CFAP54: variants seen among roughly 807,000 people sequenced by gnomAD.
CFAP54 encodes the protein cilia- and flagella-associated protein 54.
CFAP54 carries 290 observed loss-of-function variants against 370.4 expected under a neutral mutation model. The observed-to-expected ratio is 0.78, with a 90% confidence interval of 0.71 to 0.86. The LOEUF (loss-of-function observed/expected upper bound fraction) is 0.86. Ranked by LOEUF, CFAP54 falls within the 40% of genes least tolerant of loss-of-function variation. CFAP54 has a pLI of 0.00. For missense variants in CFAP54, 3,399 were observed against 3,528.7 expected, an observed-to-expected ratio of 0.96 and a Z score of 0.93; for synonymous variants, 1,206 against 1,236.5, an observed-to-expected ratio of 0.98 and a Z score of 0.52.
chr12:96,817,939 A>G, intron 65 of CFAP54, 26 bp downstream of exon 65: 4 of 1,412,292 alleles, frequency 2.8e-6, no homozygotes, highest in Non-Finnish European at 3.7e-6. Flanking sequence ...ATGGAAAATG[A>G]CATTGCTATA....
At chr12:96,864,133 C>T (rs942444275) in intron 67 of CFAP54, among the ~76,000 whole-genome samples, 2 of 152,136 alleles carry the variant, frequency 1.3e-5, no homozygotes, top group Non-Finnish European at 2.9e-5. Context: ...CCAAATTACA[C>T]AATTTGCAGC....
Position 96,743,491 on chromosome 12 carries a change from T to C in CFAP54, c.7309T>C (p.Leu2437=). ...GGACACGGAACTGCAGGCTGAATTC[T>C]TGACGCAAGCTGTAATTCTTGGCCT... ...AGDTELQAEF[L]TQAVILGLQE... Residue 2437 remains leucine (L), a synonymous_variant, in exon 53 of 68, where the codon TTG becomes CTG. Coordinates refer to ENST00000524981, the MANE Select transcript of CFAP54 (RefSeq NM_001306084.2). 6.2e-7 allele frequency: 1 copy of C among 1,614,130 alleles called. No homozygotes were observed. Among genetic ancestry groups the C allele is most frequent in the Non-Finnish European group, 8.5e-7 (1 of 1,179,990 alleles).
intron 67 of CFAP54, among the ~76,000 whole-genome samples, chr12:96,864,319 G>T (rs970529878): frequency 2.6e-5 from 4 of 152,186 alleles, no homozygotes; most frequent in African/African-American, 9.7e-5. Flanking sequence ...CATGCCAGCA[G>T]CTAAGTGATA....
At position 96,647,864 on chromosome 12, in the gene CFAP54, C is replaced by T. The variant is rs1361433007; in HGVS notation, c.4548-11C>T. 2.1e-5 allele frequency: 31 copies of T among 1,482,488 alleles called. No individual in the cohort carries two copies. The highest frequency in any genetic ancestry group is 2.6e-5 in the Admixed American group (1 of 38,502). 91.8% of individuals were successfully genotyped at this position (1,482,488 alleles called of 1,614,324 possible). On this transcript the variant is annotated splice_polypyrimidine_tract_variant and intron_variant, in intron 33 of 67. Transcript: ENST00000524981. ...ATATTGTTTTTTAATATGATTTTTC[C>T]CCCCTTGCAGTTTCCGATCATGTGA... is the stretch of plus-strand genomic sequence containing the variant.
At chr12:96,810,954 C>A (rs1958922909) in intron 63 of CFAP54, among the ~76,000 whole-genome samples, 1 of 152,054 alleles carries the variant, frequency 6.6e-6, no homozygotes, top group Non-Finnish European at 1.5e-5. Context: ...CCTGAGAGAG[C>A]CCCTACCTGT....
At chr12:96,759,474 T>G (rs1958309997) in intron 58 of CFAP54, among the ~76,000 whole-genome samples, 1 of 152,196 alleles carries the variant, frequency 6.6e-6, no homozygotes, top group African/African-American at 2.4e-5. Flanking sequence ...ATTTTCTGTA[T>G]GTTTTGACAT....
chr12:96,615,290 G>T (rs1452592356), intron 26 of CFAP54, among the ~76,000 whole-genome samples: 1 of 152,184 alleles, frequency 6.6e-6, no homozygotes, highest in Non-Finnish European at 1.5e-5. Context: ...AAATGGTGCT[G>T]GGAAAACTTG....
intron 50 of CFAP54, 139 bp from the exon 51 acceptor site, chr12:96,739,817 T>G (rs1408596147): frequency 3.5e-6 from 2 of 564,838 alleles, no homozygotes; most frequent in African/African-American, 1.9e-5. Context: ...TATTAGGGCC[T>G]GCAGAAATGG....
At chr12:96,681,686 C>T (rs1393936253) in intron 40 of CFAP54, among the ~76,000 whole-genome samples, 1 of 152,028 alleles carries the variant, frequency 6.6e-6, no homozygotes, top group Non-Finnish European at 1.5e-5. Flanking sequence ...CTGCCTCAGC[C>T]TCTGCCTCCT....
chr12:96,762,212 G>A (rs1187513028), intron 58 of CFAP54, among the ~76,000 whole-genome samples: 3 of 151,894 alleles, frequency 2.0e-5, no homozygotes, highest in Non-Finnish European at 4.4e-5. Flanking sequence ...ATTGCTTATC[G>A]CTAGTATATA....
intron 46 of CFAP54, among the ~76,000 whole-genome samples, chr12:96,702,210 CTGCT>C (rs1345750383): frequency 6.7e-6 from 1 of 149,196 alleles, no homozygotes; most frequent in African/African-American, 2.5e-5. Flanking sequence ...ATGGGGAATA[CTGCT>C]CCAGATAGGA....
At position 96,688,963 on chromosome 12, in the gene CFAP54, T is replaced by G. The variant is rs1957358512; in HGVS notation, c.6062T>G (p.Leu2021Trp). 1 of 1,585,756 alleles carries G rather than the reference T, an allele frequency of 6.3e-7. No homozygotes were observed. ...NVEKKTDCCI[L>W]SALLFQGLLR... ...GAAAAGAAAACTGACTGTTGCATTTTGTCTGCGTTACTCTTTCAGGTAACA... is the reference window on the plus strand; with the variant it reads ...GAAAAGAAAACTGACTGTTGCATTTGGTCTGCGTTACTCTTTCAGGTAACA... Residue 2021 changes from leucine to tryptophan, a missense_variant, in exon 43 of 68, where the codon TTG (leucine) becomes TGG (tryptophan). Transcript: ENST00000524981.
chr12:96,765,246 A>C (rs1958389827), intron 60 of CFAP54, 28 bp downstream of exon 60: 3 of 1,441,952 alleles, frequency 2.1e-6, no homozygotes, highest in Non-Finnish European at 1.9e-6. Flanking sequence ...CATATTATGC[A>C]AAAAAACTGA....
At chr12:96,869,549 A>G (rs1320731712) in intron 67 of CFAP54, among the ~76,000 whole-genome samples, 3 of 152,206 alleles carry the variant, frequency 2.0e-5, no homozygotes, top group African/African-American at 7.2e-5. Flanking sequence ...TTTGATGTAT[A>G]TATTTCTGGA....
At chr12:96,847,966 A>G (rs1339971739) in intron 66 of CFAP54, among the ~76,000 whole-genome samples, 1 of 152,234 alleles carries the variant, frequency 6.6e-6, no homozygotes, top group Non-Finnish European at 1.5e-5. Flanking sequence ...ATTCTTAGAC[A>G]ATGTAACATT....
At chr12:96,787,623 A>G (rs985906533) in intron 62 of CFAP54, among the ~76,000 whole-genome samples, 2 of 152,244 alleles carry the variant, frequency 1.3e-5, no homozygotes, top group Non-Finnish European at 2.9e-5. Context: ...GAAATTTGGT[A>G]TTCAACCAAC....
At chr12:96,597,363 G>A (rs907138309) in intron 25 of CFAP54, among the ~76,000 whole-genome samples, 2 of 151,858 alleles carry the variant, frequency 1.3e-5, no homozygotes, top group Non-Finnish European at 2.9e-5. Flanking sequence ...AATGTATACT[G>A]TGTTCTGGAG....
At chr12:96,853,389 A>G (rs1959608345) in intron 66 of CFAP54, among the ~76,000 whole-genome samples, 1 of 152,106 alleles carries the variant, frequency 6.6e-6, no homozygotes, top group Non-Finnish European at 1.5e-5. Flanking sequence ...ACTAGGAGGG[A>G]GCACCAGGGA....
At position 96,766,992 on chromosome 12, in the gene CFAP54, G is replaced by A. The variant is rs114770955; in HGVS notation, c.8281+1774G>A. ...TGAGGCCCAAGCTAAAGAGACAGTGGTTATCTGGGGTATGATCTTCTCATG... is the reference window on the plus strand; with the variant it reads ...TGAGGCCCAAGCTAAAGAGACAGTGATTATCTGGGGTATGATCTTCTCATG... On this transcript the variant is annotated intron_variant, in intron 60 of 67. Transcript: ENST00000524981. Among the ~76,000 whole-genome samples, 595 of 152,262 alleles carry A rather than the reference G, an allele frequency of 3.9e-3. 3 individuals carry two copies. Among genetic ancestry groups the A allele is most frequent in the African/African-American group, 0.013 (560 of 41,536 alleles).
Sources: allele counts gnomAD v4.1 joint callset (sites outside exome capture counted in the v4.1 genomes callset), GRCh38; gene constraint gnomAD v4.1.1; transcripts MANE v1.5; gene names NCBI Gene and HGNC (gene_info 2026-07-23, HGNC 2026-07-21).